The following IFT74 variants were observed in gnomAD, a reference collection of about 807,000 sequenced individuals.
IFT74 encodes intraflagellar transport 74.
IFT74 carries 92 observed loss-of-function variants against 96.7 expected under a neutral mutation model. The observed-to-expected ratio is 0.95, with a 90% CI of 0.80 to 1.13. The LOEUF (loss-of-function observed/expected upper bound fraction) is 1.13, where lower values mean the gene tolerates loss of function less well. Ranked by LOEUF, IFT74 falls within the 50% of genes most tolerant of loss-of-function variation. The probability of loss-of-function intolerance (pLI) is 0.00; values close to 1 mark genes in which losing one functional copy is unlikely to be tolerated. For missense variants in IFT74, 811 were observed against 698.2 expected (o/e 1.16, Z -1.82); for synonymous variants, 223 against 213.2 (o/e 1.05, Z -0.40).
chr9:27,057,280 A>G (rs1057298709), intron 18 of IFT74, among the ~76,000 whole-genome samples: 4 of 152,080 alleles, frequency 2.6e-5, no homozygotes, highest in South Asian at 2.1e-4. Flanking sequence ...CCCTTTTCAT[A>G]TCACTCATCT....
intron 16 of IFT74, among the ~76,000 whole-genome samples, chr9:27,052,751 A>G (rs181256653): frequency 8.2e-4 from 125 of 152,266 alleles, no homozygotes; most frequent in Non-Finnish European, 1.5e-3. Context: ...TTCCTTCCCT[A>G]ACACCATCCC....
chr9:26,982,777 G>T (rs1318260895), intron 4 of IFT74, among the ~76,000 whole-genome samples: 1 of 151,902 alleles, frequency 6.6e-6, no homozygotes, highest in East Asian at 1.9e-4. Flanking sequence ...TTTTAGTAGA[G>T]ATGGGGGTTT....
intron 18 of IFT74, among the ~76,000 whole-genome samples, chr9:27,059,103 A>T (rs556532197): frequency 1.3e-5 from 2 of 152,034 alleles, no homozygotes; most frequent in African/African-American, 4.8e-5. Flanking sequence ...TGAGTGGTTA[A>T]CTTGTTTATC....
At chr9:26,950,310 C>CAAAAA (rs768360968) in intron 1 of IFT74, among the ~76,000 whole-genome samples, 1 of 124,428 alleles carries the variant, frequency 8.0e-6, no homozygotes, top group African/African-American at 3.0e-5. Context: ...GACTCTGTCT[C>CAAAAA]AAAAAAAAAA....
intron 8 of IFT74, among the ~76,000 whole-genome samples, chr9:27,007,110 TA>T (rs1828835224): frequency 1.3e-5 from 2 of 152,130 alleles, no homozygotes; most frequent in African/African-American, 4.8e-5. Context: ...GTGCTGGGAT[TA>T]CAGGCATGAG....
At chr9:27,004,298 TC>T (rs1410772025) in intron 8 of IFT74, among the ~76,000 whole-genome samples, 1 of 152,214 alleles carries the variant, frequency 6.6e-6, no homozygotes, top group African/African-American at 2.4e-5. Flanking sequence ...TTTTTTCCTT[TC>T]CATTGGATAG....
At chr9:27,036,547 A>T in intron 13 of IFT74, 1 of 1,610,442 alleles carries the variant, frequency 6.2e-7, no homozygotes, top group Non-Finnish European at 8.5e-7. Flanking sequence ...TGCTGAATCC[A>T]TTTGAACTGA....
In IFT74 at chr9:27,060,648, G is replaced by C; in HGVS notation, c.1681G>C (p.Glu561Gln). Residue 561 changes from glutamate to glutamine, a missense_variant, in exon 19 of 20, where the codon GAA becomes CAA. Transcript: ENST00000380062. ...TGAGCAAAATAATTTTGCGATGAAA[G>C]AATGTATCCTTTAAAAAGCTGAAAA... is the stretch of plus-strand genomic sequence containing the variant. ...HLEQNNFAMK[E>Q]FIATKSQESD... The C allele has an allele frequency of 6.3e-7, 1 of 1,599,926 alleles. No homozygotes were observed. Among genetic ancestry groups the C allele is most frequent in the Non-Finnish European group, 8.5e-7 (1 of 1,171,038 alleles).
chr9:27,051,780 A>G (rs965731151), intron 16 of IFT74, among the ~76,000 whole-genome samples: 1 of 152,162 alleles, frequency 6.6e-6, no homozygotes, highest in African/African-American at 2.4e-5. Flanking sequence ...GAAACATTCT[A>G]TTGCATGTAT....
chr9:26,964,500 G>A (rs1220779827), intron 2 of IFT74, among the ~76,000 whole-genome samples: 1 of 151,970 alleles, frequency 6.6e-6, no homozygotes, highest in African/African-American at 2.4e-5. Flanking sequence ...ATTCTGTGAA[G>A]AAAGTCATTG....
chr9:26,986,463 A>G (rs962938236), intron 6 of IFT74, among the ~76,000 whole-genome samples: 1 of 151,776 alleles, frequency 6.6e-6, no homozygotes, highest in African/African-American at 2.4e-5. Context: ...CTACAGGCAC[A>G]TGCCATCACA....
chr9:27,056,321 T>A lies in IFT74; in HGVS notation c.1498-13T>A. On this transcript the variant is annotated splice_polypyrimidine_tract_variant and intron_variant, in intron 17 of 19. Transcript: ENST00000380062. ...TTTTCTATAACCTGTCACTTCTATT[T>A]GGATCTTTCTAGAAATTACATCAGG... The A allele has an allele frequency of 1.3e-6, 2 of 1,541,204 alleles. No homozygotes were observed. The highest frequency in any genetic ancestry group is 1.8e-6 in the Non-Finnish European group (2 of 1,132,660).
rs549164786 is a variant in IFT74 at position 26,968,326 on chromosome 9, A to C, written c.120+6239A>C. Among the ~76,000 whole-genome samples, 1,212 of 151,648 alleles carry C rather than the reference A, an allele frequency of 8.0e-3. 19 individuals are homozygous for C. The highest frequency in any genetic ancestry group is 0.028 in the African/African-American group (1,156 of 41,290). ...GCCCAGGCTGGAGTGCAGTGACGCA[A>C]TCTCTGCTCACTACAACCTCTGCCT... On this transcript the variant is annotated intron_variant, in intron 2 of 19. Transcript: ENST00000380062.
At position 27,017,520 on chromosome 9, in the gene IFT74, TAATC is replaced by T. The variant is rs201501264; in HGVS notation, c.933+473_933+476del. Among the ~76,000 whole-genome samples the T allele has an allele frequency of 3.7e-4, 56 of 152,334 alleles. No individual in the cohort carries two copies. In the East Asian group the frequency reaches 0.01, roughly 28 times the overall value. On this transcript the variant is annotated intron_variant, in intron 11 of 19. Transcript: ENST00000380062. ...TATAGGCACCCAGCCTAGATTTTCT[TAATC>T]AAGTATTTCATAGTAACTTAGGTGA...
At chr9:26,987,151 G>A (rs907809370) in intron 6 of IFT74, among the ~76,000 whole-genome samples, 1 of 152,162 alleles carries the variant, frequency 6.6e-6, no homozygotes, top group African/African-American at 2.4e-5. Flanking sequence ...TTGGGTTCAA[G>A]TGATTATCCT....
At chr9:26,975,889 T>C (rs1374073163) in intron 2 of IFT74, among the ~76,000 whole-genome samples, 1 of 152,214 alleles carries the variant, frequency 6.6e-6, no homozygotes, top group Non-Finnish European at 1.5e-5. Context: ...GCTGCTTCCC[T>C]TGTGGGAAAT....
chr9:26,990,088 G>A, intron 7 of IFT74, 46 bp from the exon 8 acceptor site: 10 of 1,151,714 alleles, frequency 8.7e-6, no homozygotes, highest in South Asian at 1.9e-5. Flanking sequence ...GAAAAAATTT[G>A]GTTTAATATT....
intron 1 of IFT74, among the ~76,000 whole-genome samples, chr9:26,950,857 T>A (rs541603927): frequency 1.1e-4 from 16 of 152,374 alleles, no homozygotes; most frequent in African/African-American, 3.8e-4. Flanking sequence ...AAATAACTAT[T>A]TTAATGTCAC....
At chr9:26,966,493 C>T (rs541137990) in intron 2 of IFT74, among the ~76,000 whole-genome samples, 8 of 152,146 alleles carry the variant, frequency 5.3e-5, no homozygotes, top group African/African-American at 1.9e-4. Flanking sequence ...GTTGTCTATT[C>T]AGACCTTTTG....
Sources: allele counts gnomAD v4.1 joint callset (sites outside exome capture counted in the v4.1 genomes callset), GRCh38; gene constraint gnomAD v4.1.1; transcripts MANE v1.5; gene names NCBI Gene and HGNC (gene_info 2026-07-23, HGNC 2026-07-21).